Variants in ZRANB3 observed in about 807,000 individuals in gnomAD.
ZRANB3 encodes DNA annealing helicase and endonuclease ZRANB3.
ZRANB3 carries 125 observed loss-of-function variants against 133.8 expected under a neutral mutation model. The observed-to-expected ratio is 0.93, with a 90% CI of 0.81 to 1.08. The LOEUF (loss-of-function observed/expected upper bound fraction) is 1.08, where lower values mean the gene tolerates loss of function less well. Ranked by LOEUF, ZRANB3 falls within the 50% of genes least tolerant of loss-of-function variation. The pLI is 0.00. For synonymous variants in ZRANB3, 387 were observed against 432.7 expected (o/e 0.89, Z 1.31); for missense variants, 1,229 against 1,275.5 (o/e 0.96, Z 0.56).
intron 8 of ZRANB3, among the ~76,000 whole-genome samples, chr2:135,292,356 G>A (rs1466754013): frequency 1.3e-5 from 2 of 152,120 alleles, no homozygotes; most frequent in Non-Finnish European, 2.9e-5. Flanking sequence ...GTGATGATGA[G>A]CATTTTTTCA....
chr2:135,243,529 CCATT>C (rs1695646589), intron 12 of ZRANB3, among the ~76,000 whole-genome samples: 1 of 152,140 alleles, frequency 6.6e-6, no homozygotes, highest in African/African-American at 2.4e-5. Flanking sequence ...AAAAAAATTA[CCATT>C]AATTAAGGAA....
At chr2:135,386,836 C>T (rs1687003408) in intron 3 of ZRANB3, among the ~76,000 whole-genome samples, 1 of 151,704 alleles carries the variant, frequency 6.6e-6, no homozygotes, top group East Asian at 1.9e-4. Context: ...ACACGGGGGC[C>T]TTTCGGGGGT....
intron 15 of ZRANB3, among the ~76,000 whole-genome samples, chr2:135,219,953 C>T (rs966772653): frequency 6.6e-6 from 1 of 152,038 alleles, no homozygotes; most frequent in African/African-American, 2.4e-5. Context: ...CTCACTGCAG[C>T]CTCAACGTCC....
At chr2:135,495,509 G>A (rs1692624899) in intron 2 of ZRANB3, among the ~76,000 whole-genome samples, 1 of 152,176 alleles carries the variant, frequency 6.6e-6, no homozygotes, top group African/African-American at 2.4e-5. Context: ...AAGCATAGGT[G>A]TATATATGTG....
At chr2:135,208,745 G>T (rs565239470) in intron 18 of ZRANB3, 123 bp downstream of exon 18, 2 of 759,300 alleles carry the variant, frequency 2.6e-6, no homozygotes, top group South Asian at 2.1e-5. Context: ...CTACTATCTT[G>T]TGAAAGTTCT....
intron 2 of ZRANB3, among the ~76,000 whole-genome samples, chr2:135,490,939 A>T (rs573066563): frequency 1.6e-4 from 24 of 152,254 alleles, no homozygotes; most frequent in Non-Finnish European, 3.5e-4. Context: ...TCAAAAAGTG[A>T]ATCTCACAAA....
In ZRANB3 at chr2:135,202,721, C is replaced by T. The variant is rs1275457328; in HGVS notation, c.3141+111G>A. ...GTGATGAAAGGAGTAAAATGTGCCTCGAATCTCAGACCAGAGATAAATTCA... is the reference window on the plus strand; with the variant it reads ...GTGATGAAAGGAGTAAAATGTGCCTTGAATCTCAGACCAGAGATAAATTCA... On this transcript the variant is annotated intron_variant, in intron 20 of 20. Coordinates refer to ENST00000264159, the MANE Select transcript of ZRANB3 (RefSeq NM_032143.4). The T allele has an allele frequency of 5.2e-6, 7 of 1,335,494 alleles. No individual in the cohort carries two copies. In the South Asian group the frequency reaches 6.5e-5, roughly 12 times the overall value. The allele number at this position is 1,335,494 out of a possible 1,614,324, so 82.7% of individuals were successfully genotyped here.
At chr2:135,353,692 T>A in intron 3 of ZRANB3, 64 bp from the exon 4 acceptor site, 1 of 1,120,590 alleles carries the variant, frequency 8.9e-7, no homozygotes, top group Non-Finnish European at 1.2e-6. Context: ...AAAATATTTA[T>A]CAAACATTTT....
chr2:135,241,440 A>G (rs1386679944), intron 12 of ZRANB3, among the ~76,000 whole-genome samples: 2 of 150,824 alleles, frequency 1.3e-5, no homozygotes, highest in African/African-American at 4.9e-5. Context: ...ACTACTACTT[A>G]AGAGTTTTTT....
intron 20 of ZRANB3, 38 bp from the exon 21 acceptor site, chr2:135,200,478 A>G (rs375668523): frequency 2.0e-6 from 3 of 1,493,084 alleles, no homozygotes; most frequent in African/African-American, 2.8e-5. Flanking sequence ...CACGTTAGGA[A>G]AAAAGCACCG....
intron 10 of ZRANB3, 149 bp downstream of exon 10, chr2:135,271,619 T>A: frequency 1.0e-6 from 1 of 961,884 alleles, no homozygotes; most frequent in Non-Finnish European, 1.5e-6. Context: ...CTATTATACT[T>A]TCTGGAACTC....
In ZRANB3 at chr2:135,207,759, G is replaced by A. The variant is rs748790879; in HGVS notation, c.2684C>T (p.Ser895Phe). The A allele has an allele frequency of 3.7e-6, 6 of 1,614,006 alleles. No individual in the cohort carries two copies. The East Asian group carries it at 1.1e-4, about 30-fold the overall frequency. The change falls in exon 19 of 21, where the codon TCT becomes TTT. Residue 895 changes from serine (S) to phenylalanine (F), a missense_variant. By Grantham distance (155) the Ser-to-Phe change is radical (BLOSUM62 -2). Coordinates refer to ENST00000264159, the MANE Select transcript of ZRANB3 (RefSeq NM_032143.4). Reference protein sequence around the residue: ...TVQADLTVKPSTSKGYLQAVD... With the variant: ...TVQADLTVKPFTSKGYLQAVD... ...AGCTTGCAAATAGCCTTTGGATGTA[G>A]AGGGCTTCACAGTGAGATCTGCCTG...
At chr2:135,384,152 T>C (rs1419291736) in intron 3 of ZRANB3, among the ~76,000 whole-genome samples, 2 of 152,028 alleles carry the variant, frequency 1.3e-5, no homozygotes, top group African/African-American at 4.8e-5. Flanking sequence ...TAAAAAATGA[T>C]AAAGGGGATA....
rs1292403565 is a variant in ZRANB3 at position 135,305,180 on chromosome 2, G to A, written c.966+8309C>T. ...TCTAGTAGAGACGGGGTTTCGCCATGTTTGCCAGGCCTCATATGATCCACC... is the reference window on the plus strand; with the variant it reads ...TCTAGTAGAGACGGGGTTTCGCCATATTTGCCAGGCCTCATATGATCCACC... On this transcript the variant is annotated intron_variant, in intron 8 of 20. Transcript: ENST00000264159. Among the ~76,000 whole-genome samples the A allele has an allele frequency of 2.6e-5, 4 of 152,242 alleles. No individual in the cohort carries two copies. The South Asian group carries it at 8.3e-4, about 32-fold the overall frequency.
intron 2 of ZRANB3, among the ~76,000 whole-genome samples, chr2:135,483,205 C>G (rs1425376374): frequency 1.3e-5 from 2 of 151,730 alleles, no homozygotes; most frequent in African/African-American, 2.4e-5. Context: ...CCAGCTCCTC[C>G]TTGTACCTCT....
chr2:135,328,873 GTC>G (rs1412041095), intron 6 of ZRANB3, among the ~76,000 whole-genome samples: 1 of 152,172 alleles, frequency 6.6e-6, no homozygotes, highest in Non-Finnish European at 1.5e-5. Context: ...TTTGAGAAGT[GTC>G]TGTTCATATC....
intron 2 of ZRANB3, among the ~76,000 whole-genome samples, chr2:135,457,552 G>C (rs550244069): frequency 9.9e-5 from 15 of 152,140 alleles, no homozygotes; most frequent in Non-Finnish European, 1.6e-4. Context: ...TTGGCAATTT[G>C]TATATCCTCT....
chr2:135,230,404 G>C, intron 13 of ZRANB3, 109 bp downstream of exon 13: 6 of 982,966 alleles, frequency 6.1e-6, no homozygotes, highest in Non-Finnish European at 8.3e-6. Flanking sequence ...AAAAGCTAAA[G>C]TTGTGCTGAG....
chr2:135,495,648 A>T (rs2104811992), intron 2 of ZRANB3, among the ~76,000 whole-genome samples: 1 of 152,342 alleles, frequency 6.6e-6, no homozygotes, highest in East Asian at 1.9e-4. Context: ...ATTTGAAATT[A>T]CTTCAAAAAG....
Sources: allele counts gnomAD v4.1 joint callset (sites outside exome capture counted in the v4.1 genomes callset), GRCh38; gene constraint gnomAD v4.1.1; transcripts MANE v1.5; gene names NCBI Gene and HGNC (gene_info 2026-07-23, HGNC 2026-07-21).